SORL1: variants seen among roughly 807,000 people sequenced by gnomAD.
The protein encoded by SORL1 is sortilin-related receptor.
In SORL1, 127 loss-of-function variants were observed where a neutral mutation model predicts 273.7. The ratio of observed to expected loss-of-function variants is 0.46; its 90% CI spans 0.40 to 0.54. SORL1 has a LOEUF of 0.54. SORL1 is among the 20% of genes least tolerant of loss of function. The pLI, the probability that SORL1 is intolerant of heterozygous loss-of-function variation, is 0.00. For missense variants in SORL1, 2,494 were observed against 2,846.1 expected, an observed-to-expected ratio of 0.88 and a Z score of 2.81; for synonymous variants, 1,031 against 1,067.4, an observed-to-expected ratio of 0.97 and a Z score of 0.66.
At chr11:121,576,302 C>T (rs4936636) in intron 24 of SORL1, among the ~76,000 whole-genome samples, 35,612 of 152,156 alleles carry the variant, frequency 0.23, 5,239 homozygotes, top group East Asian at 0.56. Flanking sequence ...TTCACTGCAG[C>T]GTCAGATGGC....
chr11:121,579,614 A>T (rs1259104297), intron 25 of SORL1, among the ~76,000 whole-genome samples: 1 of 152,120 alleles, frequency 6.6e-6, no homozygotes, highest in Non-Finnish European at 1.5e-5. Context: ...TCTCTCCTAG[A>T]TATATGGGGA....
chr11:121,496,325 G>A (rs1422182796), intron 5 of SORL1, among the ~76,000 whole-genome samples: 2 of 152,194 alleles, frequency 1.3e-5, no homozygotes, highest in Non-Finnish European at 2.9e-5. Flanking sequence ...TTGTGGAAGA[G>A]CCTCATGGGA....
chr11:121,531,694 C>A (rs1157371753), intron 11 of SORL1, among the ~76,000 whole-genome samples: 1 of 152,188 alleles, frequency 6.6e-6, no homozygotes. Flanking sequence ...GCCTTTGTTA[C>A]ACTGGTTTGT....
At chr11:121,583,323 G>A in intron 25 of SORL1, 135 bp from the exon 26 acceptor site, 2 of 1,052,850 alleles carry the variant, frequency 1.9e-6, no homozygotes, top group South Asian at 4.4e-5. Flanking sequence ...TCTCAGCCAA[G>A]GAGAAACCCA....
chr11:121,606,662 C>G, intron 35 of SORL1, among the ~76,000 whole-genome samples, 183 bp from the exon 36 acceptor site: 1 of 152,210 alleles, frequency 6.6e-6, no homozygotes, highest in South Asian at 2.1e-4. Flanking sequence ...GACGGCACAC[C>G]TTGCTTTTTG....
rs1862028413 is a variant in SORL1, at chr11:121,520,740, C to T, written c.1295C>T (p.Ser432Phe). 6.2e-7 allele frequency: 1 copy of T among 1,612,524 alleles called. No individual in the cohort carries two copies. The highest frequency in any genetic ancestry group is 2.2e-5 in the East Asian group (1 of 44,824). Residue 432 changes from serine to phenylalanine, a missense_variant, in exon 9 of 48, where the codon TCT becomes TTT. Physicochemically the swap from Ser to Phe is radical, Grantham distance 155. Around this residue, in one of 3 missense-constraint regions of SORL1, gnomAD observed 710 missense variants for 882.5 expected, o/e 0.80. Transcript: ENST00000260197. Reference protein sequence around the residue: ...GVYIATLINGSMNEENMRSVI... With the variant: ...GVYIATLINGFMNEENMRSVI... ...TACATTGCTACTCTGATTAATGGTT[C>T]TATGAATGAGGAGAACATGAGATCG...
At position 121,570,193 on chromosome 11, in the gene SORL1, A is replaced by G. The variant is rs752321735; in HGVS notation, c.3260A>G (p.Asn1087Ser). ...TCLRNQYRCS[N>S]GNCINSIWWC... ...CTTCGCAACCAGTATCGCTGCAGCAACGGGAACTGTATCAACAGCATTTGG... is the reference window on the plus strand; with the variant it reads ...CTTCGCAACCAGTATCGCTGCAGCAGCGGGAACTGTATCAACAGCATTTGG... The change falls in exon 23 of 48, where the codon AAC (asparagine) becomes AGC (serine). Residue 1087 changes from asparagine (N) to serine (S), a missense_variant. By Grantham distance (46) the Asn-to-Ser change is conservative. Around this residue, in one of 3 missense-constraint regions of SORL1, gnomAD observed 1,609 missense variants for 1,816.4 expected, o/e 0.89. Transcript: ENST00000260197. 3.7e-6 allele frequency: 6 copies of G among 1,613,928 alleles called. No individual in the cohort carries two copies. Among genetic ancestry groups the G allele is most frequent in the East Asian group, 2.2e-5 (1 of 44,886 alleles).
At chr11:121,547,660 A>T (rs939201305) in intron 14 of SORL1, among the ~76,000 whole-genome samples, 1 of 152,004 alleles carries the variant, frequency 6.6e-6, no homozygotes, top group Non-Finnish European at 1.5e-5. Flanking sequence ...TCGTGGGGTG[A>T]TGACCCTCTG....
chr11:121,465,350 T>A (rs528363910), intron 1 of SORL1, among the ~76,000 whole-genome samples: 1 of 152,312 alleles, frequency 6.6e-6, no homozygotes, highest in South Asian at 2.1e-4. Context: ...ATATCATCAG[T>A]ATATCCTAGA....
chr11:121,470,188 G>T, intron 2 of SORL1, 65 bp downstream of exon 2: 2 of 1,012,402 alleles, frequency 2.0e-6, no homozygotes, highest in South Asian at 2.5e-5. Context: ...TGGTCCACTG[G>T]GATTATCATA....
intron 42 of SORL1, among the ~76,000 whole-genome samples, chr11:121,619,346 TAAG>T (rs1184347467): frequency 6.6e-6 from 1 of 152,216 alleles, no homozygotes; most frequent in African/African-American, 2.4e-5. Context: ...CAGCCGTTCA[TAAG>T]AAGTATGACA....
At chr11:121,496,204 G>A (rs887551388) in intron 5 of SORL1, among the ~76,000 whole-genome samples, 2 of 152,228 alleles carry the variant, frequency 1.3e-5, no homozygotes, top group Non-Finnish European at 2.9e-5. Context: ...ATCAGAGTGC[G>A]TGCAGAGGGC....
At chr11:121,544,852 C>A (rs1021514078) in intron 13 of SORL1, among the ~76,000 whole-genome samples, 1 of 152,182 alleles carries the variant, frequency 6.6e-6, no homozygotes, top group Non-Finnish European at 1.5e-5. Context: ...GCCCTCACTG[C>A]CTGAGGAAGC....
intron 8 of SORL1, among the ~76,000 whole-genome samples, chr11:121,515,921 A>G (rs1861942868): frequency 1.3e-5 from 2 of 152,376 alleles, no homozygotes; most frequent in South Asian, 4.1e-4. Context: ...TGCTGGGATT[A>G]CAGATATGAG....
chr11:121,629,577 A>G lies in SORL1; in HGVS notation c.*14A>G, dbSNP rs1217447294. The G allele has an allele frequency of 1.6e-5, 21 of 1,328,132 alleles. No homozygotes were observed. Among genetic ancestry groups the G allele is most frequent in the Non-Finnish European group, 2.3e-5 (21 of 919,294 alleles). The allele number at this position is 1,328,132 out of a possible 1,614,324, so 82.3% of individuals were successfully genotyped here. ...GTGATAGCCTGAAAGAGCTTTCCTCACTAGAAACCAAATGGTGTAAATATT... is the reference window on the plus strand; with the variant it reads ...GTGATAGCCTGAAAGAGCTTTCCTCGCTAGAAACCAAATGGTGTAAATATT... On this transcript the variant is annotated 3_prime_UTR_variant, in exon 48 of 48. Coordinates refer to ENST00000260197, the MANE Select transcript of SORL1 (RefSeq NM_003105.6).
chr11:121,583,571 C>G lies in SORL1; in HGVS notation c.3694C>G (p.Pro1232Ala), dbSNP rs144535605. Residue 1232 changes from proline to alanine, a missense_variant, in exon 26 of 48, where the codon CCA (proline) becomes GCA (alanine). Transcript: ENST00000260197. ...CTGCCAGGATGGTTCCGATGAGGAT[C>G]CAGTCAACTGTGGTAAATGCAAATT... The part of the protein sequence containing the change: ...TDCQDGSDED[P>A]VNCEKKCNGF... 11 of 1,608,914 alleles carry G rather than the reference C, an allele frequency of 6.8e-6. No individual in the cohort carries two copies. The highest frequency in any genetic ancestry group is 1.7e-4 in the Middle Eastern group (1 of 6,060).
chr11:121,555,219 G>C lies in SORL1; in HGVS notation c.2472G>C (p.Glu824Asp). 1 of 1,614,048 alleles carries C rather than the reference G, an allele frequency of 6.2e-7. No homozygotes were observed. Among genetic ancestry groups the C allele is most frequent in the Non-Finnish European group, 8.5e-7 (1 of 1,179,892 alleles). Residue 824 changes from glutamate to aspartate, a missense_variant, in exon 18 of 48, where the codon GAG becomes GAC. By Grantham distance (45) the Glu-to-Asp change is conservative. Transcript: ENST00000260197. Reference sequence around the variant, plus strand: ...GTTTGAATGGAAGCACAGGGCAAGAGGTGATCATCAATTCTGGCCTGGAGA... The same window carrying C: ...GTTTGAATGGAAGCACAGGGCAAGACGTGATCATCAATTCTGGCCTGGAGA... Reference protein sequence around the residue: ...RLCLNGSTGQEVIINSGLETV... With the variant: ...RLCLNGSTGQDVIINSGLETV...
At chr11:121,557,276 C>G (rs12283336) in intron 18 of SORL1, 38 bp from the exon 19 acceptor site, 1 of 1,468,808 alleles carries the variant, frequency 6.8e-7, no homozygotes, top group Non-Finnish European at 9.5e-7. Context: ...TAAGGAGCTC[C>G]GATCCATCTC....
chr11:121,623,450 G>T (rs1863751831), intron 45 of SORL1, among the ~76,000 whole-genome samples: 1 of 152,346 alleles, frequency 6.6e-6, no homozygotes, highest in South Asian at 2.1e-4. Flanking sequence ...CGTGCATGAA[G>T]AATTTGTGTG....
Sources: allele counts gnomAD v4.1 joint callset (sites outside exome capture counted in the v4.1 genomes callset), GRCh38; gene constraint gnomAD v4.1.1; regional missense constraint gnomAD v4.1.1; transcripts MANE v1.5; gene names NCBI Gene and HGNC (gene_info 2026-07-23, HGNC 2026-07-21).